Variants in BRCA1 observed in about 807,000 individuals in gnomAD.
The protein encoded by BRCA1 is breast cancer type 1 susceptibility protein.
In BRCA1, 140 loss-of-function variants were observed where a neutral mutation model predicts 173.7. That is an observed-to-expected ratio of 0.81 (90% CI 0.70 to 0.93). The LOEUF (loss-of-function observed/expected upper bound fraction) is 0.93, where lower values mean the gene tolerates loss of function less well. Among genes scored for constraint, BRCA1 ranks in the 40% least tolerant of loss-of-function variants. BRCA1 has a pLI of 0.00. For synonymous variants in BRCA1, 662 were observed against 756.0 expected (o/e 0.88, Z 2.04); for missense variants, 1,983 against 2,172.5 (o/e 0.91, Z 1.73).
intron 6 of BRCA1, among the ~76,000 whole-genome samples, chr17:43,103,557 A>C (rs560246055): frequency 7.2e-5 from 11 of 152,106 alleles, no homozygotes; most frequent in African/African-American, 2.4e-4. Context: ...CCTGGACTCA[A>C]GTGATCCTCC....
chr17:43,074,391 G>A lies in BRCA1; in HGVS notation c.4615C>T (p.Leu1539=), dbSNP rs2154000691. ...AAATCGTGTGGCCCAGACTCTTCCA[G>A]CTGTTGCTCCTCCACATCAACAACC... The part of the protein sequence containing the change: ...IKVVDVEEQQ[L]EESGPHDLTE... Residue 1539 remains leucine, a synonymous_variant, in exon 14 of 23, where the codon CTG becomes TTG. Coordinates refer to ENST00000357654, the MANE Select transcript of BRCA1 (RefSeq NM_007294.4). 6.2e-7 allele frequency: 1 copy of A among 1,614,118 alleles called. No individual in the cohort carries two copies. The highest frequency in any genetic ancestry group is 8.5e-7 in the Non-Finnish European group (1 of 1,180,016).
intron 14 of BRCA1, among the ~76,000 whole-genome samples, chr17:43,072,913 C>T (rs1217340107): frequency 2.0e-5 from 3 of 150,552 alleles, no homozygotes; most frequent in East Asian, 2.0e-4. Context: ...GATCAGGTCT[C>T]GCTACATTGC....
intron 12 of BRCA1, chr17:43,079,396 G>C (rs2052896292): frequency 6.3e-7 from 1 of 1,595,346 alleles, no homozygotes; most frequent in Non-Finnish European, 8.5e-7. Flanking sequence ...ATGTATATGC[G>C]AATCTGTAAG....
At chr17:43,119,148 T>C (rs2055431608) in intron 2 of BRCA1, 1 of 215,736 alleles carries the variant, frequency 4.6e-6, no homozygotes, top group Admixed American at 5.8e-5. Flanking sequence ...ATGTGGTTTT[T>C]TCCTTAAATA....
In BRCA1 at chr17:43,076,563, T is replaced by C; in HGVS notation, c.4409A>G (p.Glu1470Gly). ...SSEYPISQNP[E>G]GLSADKFEVS... ...CTCAAACTTGTCAGCAGAAAGGCCT[T>C]CTGGATTCTGGCTTATAGGGTATTC... Residue 1470 changes from glutamate to glycine, a missense_variant, in exon 13 of 23, where the codon GAA becomes GGA. Glu to Gly is a moderately conservative substitution (Grantham distance 98, BLOSUM62 -2). Coordinates refer to ENST00000357654, the MANE Select transcript of BRCA1 (RefSeq NM_007294.4). 1 of 1,613,742 alleles carries C rather than the reference T, an allele frequency of 6.2e-7. No homozygotes were observed.
intron 6 of BRCA1, among the ~76,000 whole-genome samples, chr17:43,100,246 C>T (rs2054324951): frequency 6.6e-6 from 1 of 151,490 alleles, no homozygotes; most frequent in African/African-American, 2.4e-5. Context: ...ATTTTTCAAA[C>T]CTGATTATGT....
chr17:43,079,321 A>C (rs1432975091), intron 12 of BRCA1: 2 of 1,585,836 alleles, frequency 1.3e-6, no homozygotes, highest in South Asian at 2.2e-5. Flanking sequence ...ACAAAGGGAA[A>C]GAGGAGAGGC....
At position 43,124,935 on chromosome 17, in the gene BRCA1, G is replaced by A. The variant is rs8176076; in HGVS notation, c.-20+336C>T. 2,358 of 313,680 alleles carry A rather than the reference G, an allele frequency of 7.5e-3. 61 individuals carry two copies. The highest frequency in any genetic ancestry group is 0.047 in the African/African-American group (2,159 of 45,480). 19.4% of individuals were successfully genotyped at this position (313,680 alleles called of 1,614,324 possible). A position where few individuals can be genotyped will look rare whatever the true frequency, so the allele number is the denominator to read the frequency against. The stretch of plus-strand genomic sequence containing the variant: ...TAATTTTTGTATTTTTAGTAGAGAC[G>A]GAGTTTCACCACGTTGGTCAGGCTG... On this transcript the variant is annotated intron_variant, in intron 1 of 22. Coordinates refer to ENST00000357654, the MANE Select transcript of BRCA1 (RefSeq NM_007294.4).
At chr17:43,086,453 A>G (rs2053234069) in intron 11 of BRCA1, among the ~76,000 whole-genome samples, 1 of 152,180 alleles carries the variant, frequency 6.6e-6, no homozygotes, top group African/African-American at 2.4e-5. Flanking sequence ...TTCTCGGTTC[A>G]GTACAAAAAG....
chr17:43,054,744 A>ATTT (rs11347376), intron 19 of BRCA1, among the ~76,000 whole-genome samples: 4 of 137,540 alleles, frequency 2.9e-5, no homozygotes, highest in African/African-American at 1.1e-4. Context: ...CCCAGCTGGG[A>ATTT]TTTTTTTTTT....
At chr17:43,047,761 T>C in intron 21 of BRCA1, 58 bp from the exon 22 acceptor site, 1 of 1,577,016 alleles carries the variant, frequency 6.3e-7, no homozygotes, top group East Asian at 2.2e-5. Flanking sequence ...ACTGGAACTG[T>C]CACTTCATCA....
At chr17:43,138,974 A>G (rs1252325540) in intron 1 of BRCA1, 3 of 778,236 alleles carry the variant, frequency 3.9e-6, no homozygotes, top group South Asian at 1.3e-5. Flanking sequence ...AACCTTCACC[A>G]CCTCTAGCCC....
intron 18 of BRCA1, among the ~76,000 whole-genome samples, chr17:43,058,794 A>G (rs796941247): frequency 4.6e-5 from 7 of 152,356 alleles, no homozygotes; most frequent in African/African-American, 1.7e-4. Flanking sequence ...TATACATTCA[A>G]TGCACTAAAG....
chr17:43,124,385 G>A (rs1287047240), intron 1 of BRCA1, among the ~76,000 whole-genome samples: 6 of 152,144 alleles, frequency 3.9e-5, no homozygotes, highest in Non-Finnish European at 5.9e-5. Context: ...AGCTACAGAG[G>A]AGTGACTGAC....
chr17:43,064,346 A>G (rs532324588), intron 16 of BRCA1, among the ~76,000 whole-genome samples: 18 of 152,342 alleles, frequency 1.2e-4, no homozygotes, highest in African/African-American at 3.4e-4. Flanking sequence ...TGAAAGAAGA[A>G]AACAGTATTG....
chr17:43,169,962 A>G (rs2056313608), intron 1 of BRCA1: 2 of 469,088 alleles, frequency 4.3e-6, no homozygotes, highest in South Asian at 3.2e-5. Context: ...AAAAGTTTCA[A>G]TATTTACACT....
chr17:43,119,268 C>CAAAAAAAGAAAAA (rs1289924907), intron 2 of BRCA1: 1 of 161,568 alleles, frequency 6.2e-6, no homozygotes, highest in Non-Finnish European at 1.1e-5. Flanking sequence ...GAATCCATCT[C>CAAAAAAAGAAAAA]AAAAAAAGAA....
chr17:43,090,909 A>G, intron 11 of BRCA1, 35 bp downstream of exon 11: 2 of 1,561,674 alleles, frequency 1.3e-6, no homozygotes, highest in Non-Finnish European at 1.8e-6. Context: ...AGGACACCAC[A>G]CACACGCATG....
chr17:43,067,583 T>C (rs943281215), intron 16 of BRCA1, 25 bp downstream of exon 16: 1 of 1,564,154 alleles, frequency 6.4e-7, no homozygotes, highest in Non-Finnish European at 8.8e-7. Flanking sequence ...AGATGCAAGG[T>C]ATTCTGTAAA....
Sources: allele counts gnomAD v4.1 joint callset (sites outside exome capture counted in the v4.1 genomes callset), GRCh38; gene constraint gnomAD v4.1.1; transcripts MANE v1.5; gene names NCBI Gene and HGNC (gene_info 2026-07-23, HGNC 2026-07-21).